Variants in ZNF469 observed in about 807,000 individuals in gnomAD.
The protein encoded by ZNF469 is zinc finger protein 469.
A neutral mutation model predicts 1.0 loss-of-function variants in ZNF469; 1 was observed. The ratio of observed to expected loss-of-function variants is 1.00; its 90% CI spans 0.35 to 4.73. The LOEUF is 4.73. Among genes scored for constraint, ZNF469 ranks in the 30% most tolerant of loss-of-function variants. The probability of loss-of-function intolerance (pLI) is 0.16; values close to 1 mark genes in which losing one functional copy is unlikely to be tolerated. For missense variants in ZNF469, 6,100 were observed against 5,356.3 expected, an observed-to-expected ratio of 1.14 and a Z score of -4.33; for synonymous variants, 2,703 against 2,363.4, an observed-to-expected ratio of 1.14 and a Z score of -4.17.
chr16:88,369,734 T>TG, the ZNF469 span, among the ~76,000 whole-genome samples: 1 of 152,150 alleles, frequency 6.6e-6, no homozygotes, highest in South Asian at 2.1e-4. Context: ...CAGAGCTAGA[T>TG]GGAGAGGAGC....
At chr16:88,419,390 C>G in intron 1 of ZNF469, among the ~76,000 whole-genome samples, 1 of 152,190 alleles carries the variant, frequency 6.6e-6, no homozygotes, top group East Asian at 1.9e-4. Flanking sequence ...CACGGGAGGC[C>G]AACATCCTGA....
At chr16:88,310,563 AT>A in the ZNF469 span, among the ~76,000 whole-genome samples, 29,132 of 143,414 alleles carry the variant, frequency 0.2, 2,863 homozygotes, top group African/African-American at 0.21. Context: ...CCTTCATTTT[AT>A]TTTTTTTTTT....
chr16:88,113,056 G>A, the ZNF469 span, among the ~76,000 whole-genome samples: 3 of 152,112 alleles, frequency 2.0e-5, no homozygotes, highest in African/African-American at 4.8e-5. Flanking sequence ...GGGATTACAG[G>A]TGTGAGCCAC....
Position 88,436,938 on chromosome 16 carries a change from G to T in ZNF469, c.9468G>T (p.Arg3156=). The change falls in exon 3 of 3, where the codon CGG becomes CGT. Residue 3156 remains arginine (R), a synonymous_variant. Coordinates refer to ENST00000565624, the MANE Select transcript of ZNF469 (RefSeq NM_001367624.2). ...GCGTGGAGCGCAGGTTTGGCTCGCG[G>T]GAGCTGCTGCGGGGGCACCTGCAGG... is the stretch of plus-strand genomic sequence containing the variant. ...YMCVERRFGS[R]ELLRGHLQER... 6.7e-7 allele frequency: 1 copy of T among 1,493,066 alleles called. No homozygotes were observed. The highest frequency in any genetic ancestry group is 8.9e-7 in the Non-Finnish European group (1 of 1,122,766). The allele number at this position is 1,493,066 out of a possible 1,614,324, so 92.5% of individuals were successfully genotyped here.
chr16:88,395,243 A>G (rs370403881), intron 1 of ZNF469, among the ~76,000 whole-genome samples: 14 of 16,122 alleles, frequency 8.7e-4, no homozygotes, highest in Non-Finnish European at 1.4e-3. Flanking sequence ...GGGTAGATGG[A>G]TGGATGGATG....
In ZNF469 at chr16:88,436,788, G is replaced by A; in HGVS notation, c.9318G>A (p.Arg3106=). The A allele has an allele frequency of 6.5e-7, 1 of 1,544,460 alleles. No homozygotes were observed. Among genetic ancestry groups the A allele is most frequent in the Admixed American group, 2.0e-5 (1 of 50,934 alleles). Residue 3106 remains arginine (R), a synonymous_variant, in exon 3 of 3, where the codon CGG becomes CGA. Coordinates refer to ENST00000565624, the MANE Select transcript of ZNF469 (RefSeq NM_001367624.2). ...CAGGGAGGGCCCAAGGCAGAGGCCG[G>A]CCGGCCAAGGGCAGGCGGGCCTCCT... The part of the protein sequence containing the change: ...AGAGRAQGRG[R]PAKGRRASYK...
chr16:88,259,611 G>GC, the ZNF469 span, among the ~76,000 whole-genome samples: 1 of 152,126 alleles, frequency 6.6e-6, no homozygotes, highest in South Asian at 2.1e-4. The surrounding 1 kb of genome is among the most constrained non-coding windows in gnomAD (Gnocchi z 4.1). Context: ...ATCCCTATGA[G>GC]CCCCAGGATC....
chr16:88,287,323 C>A, the ZNF469 span, among the ~76,000 whole-genome samples: 1 of 152,250 alleles, frequency 6.6e-6, no homozygotes, highest in Admixed American at 6.5e-5. Context: ...CTGAGCATCA[C>A]AAGTCTCCTG....
At chr16:88,276,110 CCAAA>C in the ZNF469 span, among the ~76,000 whole-genome samples, 1 of 152,168 alleles carries the variant, frequency 6.6e-6, no homozygotes, top group Non-Finnish European at 1.5e-5. Context: ...AGTGCAACGA[CCAAA>C]CAGAGTGATC....
At chr16:88,266,484 T>A in the ZNF469 span, among the ~76,000 whole-genome samples, 1 of 152,200 alleles carries the variant, frequency 6.6e-6, no homozygotes, top group African/African-American at 2.4e-5. Flanking sequence ...TATGTTCAAG[T>A]CAAAATAAAA....
At chr16:88,193,948 C>G in the ZNF469 span, among the ~76,000 whole-genome samples, 13 of 152,168 alleles carry the variant, frequency 8.5e-5, no homozygotes, top group African/African-American at 3.1e-4. Context: ...ACCTCGTCAC[C>G]TCTCGAAGGC....
chr16:88,376,116 G>A, the ZNF469 span, among the ~76,000 whole-genome samples: 34 of 152,360 alleles, frequency 2.2e-4, no homozygotes, highest in Admixed American at 1.8e-3. Context: ...GAAGGACGCC[G>A]CTGTTCACGG....
chr16:88,251,074 C>T, the ZNF469 span, among the ~76,000 whole-genome samples: 7 of 152,262 alleles, frequency 4.6e-5, no homozygotes, highest in Non-Finnish European at 7.4e-5. Flanking sequence ...GACGGGGTTT[C>T]ACCTTACTGG....
chr16:88,115,006 G>C, the ZNF469 span, among the ~76,000 whole-genome samples: 20,058 of 152,162 alleles, frequency 0.13, 1,658 homozygotes, highest in East Asian at 0.27. Flanking sequence ...GCAGAACCCA[G>C]AGGTGACTTA....
the ZNF469 span, among the ~76,000 whole-genome samples, chr16:88,250,138 A>G: frequency 7.9e-5 from 12 of 152,264 alleles, no homozygotes; most frequent in Non-Finnish European, 1.6e-4. Context: ...CACAAAACAA[A>G]GCCACCAATC....
rs1597213193 is a variant in ZNF469, at chr16:88,436,291, G to A, written c.8821G>A (p.Asp2941Asn). The change falls in exon 3 of 3, where the codon GAT becomes AAT. Residue 2941 changes from aspartate to asparagine, a missense_variant. Asp to Asn is a conservative substitution (Grantham distance 23). Coordinates refer to ENST00000565624, the MANE Select transcript of ZNF469 (RefSeq NM_001367624.2). ...PAGLPESFLLDGFLNSRVPGI... is the reference protein window; with the variant it reads ...PAGLPESFLLNGFLNSRVPGI... ...AGGTCTGCCCGAGTCCTTCCTCCTG[G>A]ATGGGTTCCTCAATAGCAGGGTGCC... The A allele has an allele frequency of 6.5e-7, 1 of 1,549,972 alleles. No homozygotes were observed. The highest frequency in any genetic ancestry group is 8.7e-7 in the Non-Finnish European group (1 of 1,146,798).
chr16:88,137,562 G>A, the ZNF469 span, among the ~76,000 whole-genome samples: 2 of 152,176 alleles, frequency 1.3e-5, no homozygotes, highest in Admixed American at 1.3e-4. Context: ...ATACCGCCAT[G>A]CATGTATACA....
chr16:88,357,701 A>G, the ZNF469 span, among the ~76,000 whole-genome samples: 1 of 152,350 alleles, frequency 6.6e-6, no homozygotes, highest in East Asian at 1.9e-4. Flanking sequence ...GAGGCAGCGC[A>G]GTTATTTCAT....
chr16:88,380,380 C>T (rs553971993), upstream of ZNF469, among the ~76,000 whole-genome samples: 102 of 110,146 alleles, frequency 9.3e-4, 4 homozygotes, highest in South Asian at 0.01. Flanking sequence ...TGCACTCACA[C>T]GCACTCACAG....
Sources: gnomAD v4.1 joint callset for allele counts (sites outside exome capture counted in the v4.1 genomes callset) on GRCh38, gnomAD v4.1.1 for gene constraint, Gnocchi (gnomAD v3.1) non-coding constraint, MANE v1.5 for transcripts, NCBI Gene and HGNC (gene_info 2026-07-23, HGNC 2026-07-21) for gene names.